Variants in NCOA6 observed in about 807,000 individuals in gnomAD.
The protein encoded by NCOA6 is nuclear receptor coactivator 6.
NCOA6 carries 49 observed loss-of-function variants against 171.4 expected under a neutral mutation model. That is an observed-to-expected ratio of 0.29 (90% confidence interval 0.23 to 0.36). The LOEUF (loss-of-function observed/expected upper bound fraction) is 0.36, where lower values mean the gene tolerates loss of function less well. Ranked by LOEUF, NCOA6 falls within the 10% of genes least tolerant of loss-of-function variation. The probability of loss-of-function intolerance (pLI) is 1.00; values close to 1 mark genes in which losing one functional copy is unlikely to be tolerated. For missense variants in NCOA6, 2,248 were observed against 2,554.5 expected, an observed-to-expected ratio of 0.88 and a Z score of 2.59; for synonymous variants, 910 against 927.5, an observed-to-expected ratio of 0.98 and a Z score of 0.34.
At chr20:34,807,818 C>T (rs2146562939) in intron 1 of NCOA6, among the ~76,000 whole-genome samples, 1 of 150,242 alleles carries the variant, frequency 6.7e-6, no homozygotes, top group East Asian at 2.0e-4. Flanking sequence ...AGCCACCGTG[C>T]CCGGCCTTTT....
chr20:34,756,316 T>TA (rs967550219), intron 7 of NCOA6, among the ~76,000 whole-genome samples: 3 of 152,092 alleles, frequency 2.0e-5, no homozygotes, highest in African/African-American at 7.2e-5. Context: ...TACAAGAGAG[T>TA]AAAAGGCTGA....
chr20:34,755,786 A>G (rs887616290), intron 7 of NCOA6, among the ~76,000 whole-genome samples: 1 of 151,832 alleles, frequency 6.6e-6, no homozygotes, highest in Non-Finnish European at 1.5e-5. Context: ...CCCAGGCTGG[A>G]GTGTGGTGGA....
chr20:34,757,383 T>C lies in NCOA6; in HGVS notation c.1365A>G (p.Pro455=), dbSNP rs761988709. ...GAAGTGGGTTATTTTGAGGTGGCCT[T>C]GGTCCCATCTGCTGCTGAGTTTGGT... The part of the protein sequence containing the change: ...TVNQTQQQMG[P]RPPQNNPLPQ... The change falls in exon 7 of 15, where the codon CCA becomes CCG. Residue 455 remains proline (P), a synonymous_variant. Coordinates refer to ENST00000359003, the MANE Select transcript of NCOA6 (RefSeq NM_014071.5). 7 of 1,614,104 alleles carry C rather than the reference T, an allele frequency of 4.3e-6. No homozygotes were observed. The highest frequency in any genetic ancestry group is 5.9e-6 in the Non-Finnish European group (7 of 1,179,974).
Position 34,757,339 on chromosome 20 carries a change from G to A in NCOA6, c.1409C>T (p.Pro470Leu), listed in dbSNP as rs746309134. 1 of 1,614,196 alleles carries A rather than the reference G, an allele frequency of 6.2e-7. No individual in the cohort carries two copies. Among genetic ancestry groups the A allele is most frequent in the East Asian group, 2.2e-5 (1 of 44,894 alleles). The stretch of plus-strand genomic sequence containing the variant: ...AGGATTCCGACCCGGAGAGCTGACA[G>A]GCTGCTGAAATCCCTGGGGAAGTGG... Reference protein sequence around the residue: ...NNPLPQGFQQPVSSPGRNPMV... With the variant: ...NNPLPQGFQQLVSSPGRNPMV... The change falls in exon 7 of 15, where the codon CCT (proline) becomes CTT (leucine). Residue 470 changes from proline to leucine, a missense_variant. By Grantham distance (98) the Pro-to-Leu change is moderately conservative. Around this residue, in one of 7 missense-constraint regions of NCOA6, gnomAD observed 987 missense variants for 1,104.7 expected, o/e 0.89. Transcript: ENST00000359003.
chr20:34,811,198 C>CGTGTAT (rs1601136588), intron 1 of NCOA6, among the ~76,000 whole-genome samples: 2 of 20,140 alleles, frequency 9.9e-5, no homozygotes, highest in East Asian at 1.1e-3. Context: ...ACAACAACAA[C>CGTGTAT]GTGTATATAT....
At chr20:34,824,937 T>G (rs2079106668) in intron 1 of NCOA6, among the ~76,000 whole-genome samples, 1 of 152,102 alleles carries the variant, frequency 6.6e-6, no homozygotes, top group African/African-American at 2.4e-5. Context: ...CAGCCTGAGC[T>G]TGGCCCCCAT....
chr20:34,803,488 C>CA (rs1258306520), intron 1 of NCOA6, among the ~76,000 whole-genome samples: 3 of 145,178 alleles, frequency 2.1e-5, no homozygotes, highest in African/African-American at 2.5e-5. Flanking sequence ...AAAAAAAAAA[C>CA]AAAAAAACAA....
In NCOA6 at chr20:34,742,723, C is replaced by G; in HGVS notation, c.3533G>C (p.Gly1178Ala). 6.2e-7 allele frequency: 1 copy of G among 1,614,048 alleles called. No individual in the cohort carries two copies. The highest frequency in any genetic ancestry group is 8.5e-7 in the Non-Finnish European group (1 of 1,180,000). ...PGPSPLSATQ[G>A]ATPQQPPVNS... Reference sequence around the variant, plus strand: ...TACAGGGGGTTGCTGGGGAGTTGCACCTTGAGTTGCTGAAAGGGGCGATGG... The same window carrying G: ...TACAGGGGGTTGCTGGGGAGTTGCAGCTTGAGTTGCTGAAAGGGGCGATGG... Residue 1178 changes from glycine (G) to alanine (A), a missense_variant, in exon 11 of 15, where the codon GGT becomes GCT. Physicochemically the swap from Gly to Ala is moderately conservative, Grantham distance 60 (BLOSUM62 0). This residue lies in a region of NCOA6 where 352 missense variants were observed against 419.1 expected (regional missense o/e 0.84). Transcript: ENST00000359003.
At chr20:34,769,059 A>T (rs959769770) in intron 4 of NCOA6, among the ~76,000 whole-genome samples, 1 of 151,360 alleles carries the variant, frequency 6.6e-6, no homozygotes, top group Non-Finnish European at 1.5e-5. Flanking sequence ...AACACTTGTG[A>T]ACAAAATACC....
intron 1 of NCOA6, among the ~76,000 whole-genome samples, chr20:34,810,421 G>A (rs888275124): frequency 6.6e-6 from 1 of 152,098 alleles, no homozygotes; most frequent in African/African-American, 2.4e-5. Context: ...AGTGAGAACT[G>A]CAAAAAACAA....
At chr20:34,750,791 A>G (rs2076452384) in intron 8 of NCOA6, among the ~76,000 whole-genome samples, 1 of 152,212 alleles carries the variant, frequency 6.6e-6, no homozygotes, top group Non-Finnish European at 1.5e-5. Flanking sequence ...CGTTTCAAAG[A>G]TCAAGAAAGT....
rs183716498 is a variant in NCOA6, at chr20:34,741,419, A to T, written c.4837T>A (p.Ser1613Thr). 1.2e-6 allele frequency: 2 copies of T among 1,614,208 alleles called. No homozygotes were observed. The highest frequency in any genetic ancestry group is 1.7e-5 in the Admixed American group (1 of 60,020). Residue 1613 changes from serine (S) to threonine (T), a missense_variant, in exon 11 of 15, where the codon TCA (serine) becomes ACA (threonine). By Grantham distance (58) the Ser-to-Thr change is moderately conservative. This residue lies in a region of NCOA6 where 884 missense variants were observed against 941.9 expected (regional missense o/e 0.94). Coordinates refer to ENST00000359003, the MANE Select transcript of NCOA6 (RefSeq NM_014071.5). The part of the protein sequence containing the change: ...SNPITTSANT[S>T]AALPTHLQSA... ...TGCAAGTGAGTTGGCAAAGCTGCTG[A>T]TGTGTTAGCTGAAGTTGTGATGGGA...
Position 34,741,386 on chromosome 20 carries a change from A to G in NCOA6, c.4870T>C (p.Leu1624=). 1 of 1,614,246 alleles carries G rather than the reference A, an allele frequency of 6.2e-7. No individual in the cohort carries two copies. The highest frequency in any genetic ancestry group is 8.5e-7 in the Non-Finnish European group (1 of 1,180,044). Residue 1624 remains leucine, a synonymous_variant, in exon 11 of 15, where the codon TTG becomes CTG. Coordinates refer to ENST00000359003, the MANE Select transcript of NCOA6 (RefSeq NM_014071.5). The part of the protein sequence containing the change: ...AALPTHLQSA[L]MSTVVTMPNA... ...GGCATTGTGACAACTGTTGACATCA[A>G]TGCAGACTGCAAGTGAGTTGGCAAA...
chr20:34,759,069 C>T, intron 5 of NCOA6, 136 bp from the exon 6 acceptor site: 1 of 935,852 alleles, frequency 1.1e-6, no homozygotes, highest in Non-Finnish European at 1.5e-6. Context: ...GTTGCCCAGT[C>T]TGCCAAGTGG....
At position 34,793,499 on chromosome 20, in the gene NCOA6, G is replaced by A. The variant is rs138795096; in HGVS notation, c.-163-936C>T. ...TGGAACTTGCATGGTGGTGCATGCCGGTGGTCCCAGCTATTCAGGTGACTA... is the reference window on the plus strand; with the variant it reads ...TGGAACTTGCATGGTGGTGCATGCCAGTGGTCCCAGCTATTCAGGTGACTA... On this transcript the variant is annotated intron_variant, in intron 1 of 14. Coordinates refer to ENST00000359003, the MANE Select transcript of NCOA6 (RefSeq NM_014071.5). Among the ~76,000 whole-genome samples the A allele has an allele frequency of 1.6e-3, 242 of 151,956 alleles. 2 individuals carry two copies. Among genetic ancestry groups the A allele is most frequent in the Non-Finnish European group, 2.7e-3 (183 of 67,974 alleles).
At chr20:34,779,659 C>T (rs2077456934) in intron 3 of NCOA6, among the ~76,000 whole-genome samples, 2 of 152,074 alleles carry the variant, frequency 1.3e-5, no homozygotes, top group Admixed American at 1.3e-4. Context: ...CATTCAACAC[C>T]TGTGAAAAGA....
chr20:34,757,541 G>T lies in NCOA6; in HGVS notation c.1207C>A (p.Gln403Lys). The change falls in exon 7 of 15, where the codon CAG becomes AAG. Residue 403 changes from glutamine to lysine, a missense_variant. Transcript: ENST00000359003. ...GGCCCTCCCTGCAAACTCTTCATCTGAGGAGCTGTGAACTGGCCTGGGTTG... is the reference window on the plus strand; with the variant it reads ...GGCCCTCCCTGCAAACTCTTCATCTTAGGAGCTGTGAACTGGCCTGGGTTG... ...MSNPGQFTAP[Q>K]MKSLQGGPSR... The T allele has an allele frequency of 1.2e-6, 2 of 1,613,994 alleles. No individual in the cohort carries two copies. The highest frequency in any genetic ancestry group is 1.7e-6 in the Non-Finnish European group (2 of 1,179,972).
chr20:34,757,116 A>G (rs1446489059), intron 7 of NCOA6, 104 bp downstream of exon 7: 3 of 1,267,768 alleles, frequency 2.4e-6, no homozygotes, highest in Non-Finnish European at 2.1e-6. Context: ...AAACCAAATA[A>G]TTATATCCTT....
intron 14 of NCOA6, among the ~76,000 whole-genome samples, chr20:34,721,753 T>C (rs1213081616): frequency 6.6e-6 from 1 of 152,104 alleles, no homozygotes; most frequent in South Asian, 2.1e-4. Context: ...GCCCGGGGAT[T>C]GGGGACCACT....
Sources: allele counts gnomAD v4.1 joint callset (sites outside exome capture counted in the v4.1 genomes callset), GRCh38; gene constraint gnomAD v4.1.1; regional missense constraint gnomAD v4.1.1; transcripts MANE v1.5; gene names NCBI Gene and HGNC (gene_info 2026-07-23, HGNC 2026-07-21).